SLC7A1: variants seen among roughly 807,000 people sequenced by gnomAD.
The protein encoded by SLC7A1 is solute carrier family 7 member 1.
In SLC7A1, 10 loss-of-function variants were observed where a neutral mutation model predicts 53.9. The ratio of observed to expected loss-of-function variants is 0.19; its 90% CI spans 0.11 to 0.31. The LOEUF (loss-of-function observed/expected upper bound fraction) is 0.31, where lower values mean the gene tolerates loss of function less well. Among genes scored for constraint, SLC7A1 ranks in the 10% least tolerant of loss-of-function variants. SLC7A1 has a pLI of 1.00. For synonymous variants in SLC7A1, 342 were observed against 338.7 expected (o/e 1.01, Z -0.11); for missense variants, 525 against 827.2 (o/e 0.63, Z 4.48).
intron 1 of SLC7A1, among the ~76,000 whole-genome samples, chr13:29,583,061 G>A (rs555344125): frequency 1.3e-5 from 2 of 152,170 alleles, no homozygotes; most frequent in South Asian, 2.1e-4. Flanking sequence ...TTATCCCCAG[G>A]TTTAACTTTT....
intron 1 of SLC7A1, among the ~76,000 whole-genome samples, chr13:29,561,366 G>A (rs973574338): frequency 1.3e-5 from 2 of 152,180 alleles, no homozygotes; most frequent in Non-Finnish European, 2.9e-5. Context: ...GTTCAAGGCA[G>A]TGGGGAGAAC....
chr13:29,591,112 A>AAT (rs951610691), intron 1 of SLC7A1, among the ~76,000 whole-genome samples: 28 of 151,880 alleles, frequency 1.8e-4, no homozygotes, highest in African/African-American at 6.8e-4. Context: ...CCTATCTCAA[A>AAT]ATATATATAT....
chr13:29,589,148 A>T (rs958128644), intron 1 of SLC7A1, among the ~76,000 whole-genome samples: 1 of 152,190 alleles, frequency 6.6e-6, no homozygotes, highest in African/African-American at 2.4e-5. Context: ...TGCATCCTCT[A>T]AGGAAAGGGG....
chr13:29,582,083 C>A (rs1433189579), intron 1 of SLC7A1, among the ~76,000 whole-genome samples: 1 of 152,226 alleles, frequency 6.6e-6, no homozygotes, highest in Non-Finnish European at 1.5e-5. Context: ...AAGAGGGGAA[C>A]TGTAAGTTTC....
intron 2 of SLC7A1, among the ~76,000 whole-genome samples, chr13:29,537,917 C>A (rs1229061513): frequency 6.6e-6 from 1 of 152,236 alleles, no homozygotes; most frequent in Non-Finnish European, 1.5e-5. Context: ...TGCCTGCCCA[C>A]ACCTTTGCAC....
intron 1 of SLC7A1, among the ~76,000 whole-genome samples, chr13:29,565,834 T>C (rs1385034183): frequency 2.6e-5 from 4 of 152,210 alleles, no homozygotes; most frequent in African/African-American, 9.7e-5. Flanking sequence ...CTCTTCAAGT[T>C]ATCCCCATCC....
chr13:29,529,244 G>A (rs1010116998), intron 5 of SLC7A1, among the ~76,000 whole-genome samples: 13 of 152,278 alleles, frequency 8.5e-5, no homozygotes, highest in African/African-American at 2.9e-4. Flanking sequence ...TTCGTGCACC[G>A]AATGCCATAG....
chr13:29,520,331 G>T (rs753768632), intron 8 of SLC7A1, among the ~76,000 whole-genome samples: 4 of 152,144 alleles, frequency 2.6e-5, no homozygotes, highest in Non-Finnish European at 4.4e-5. Context: ...GGACAACAGT[G>T]CTGGGTGATA....
chr13:29,515,789 G>A (rs745717913), intron 12 of SLC7A1, among the ~76,000 whole-genome samples: 12 of 152,238 alleles, frequency 7.9e-5, no homozygotes, highest in Non-Finnish European at 1.8e-4. Flanking sequence ...CCCTGCCTGG[G>A]CCTAGTGCCC....
At chr13:29,563,011 A>G (rs1328955620) in intron 1 of SLC7A1, among the ~76,000 whole-genome samples, 1 of 152,238 alleles carries the variant, frequency 6.6e-6, no homozygotes, top group Non-Finnish European at 1.5e-5. Context: ...TGTGCTGTGC[A>G]CTGCAAAAGG....
rs372644898 is a variant in SLC7A1 at position 29,584,581 on chromosome 13, CATT to C, written c.-115+10832_-115+10834del. On this transcript the variant is annotated intron_variant, in intron 1 of 12. Coordinates refer to ENST00000380752, the MANE Select transcript of SLC7A1 (RefSeq NM_003045.5). ...CCAAGAACAAGGACAGACATTTGCA[CATT>C]GTTTCAATAAATGAGGCCATTTATC... Among the ~76,000 whole-genome samples, 479 of 152,264 alleles carry C rather than the reference CATT, an allele frequency of 3.1e-3. 2 individuals are homozygous for C. The highest frequency in any genetic ancestry group is 0.011 in the African/African-American group (443 of 41,534).
intron 5 of SLC7A1, among the ~76,000 whole-genome samples, chr13:29,527,141 C>T (rs1056199001): frequency 2.6e-5 from 4 of 151,172 alleles, no homozygotes; most frequent in Non-Finnish European, 5.9e-5. Flanking sequence ...ACAATATATA[C>T]GGAGTGCCGC....
intron 4 of SLC7A1, 56 bp downstream of exon 4, chr13:29,532,768 T>G: frequency 2.7e-6 from 4 of 1,474,786 alleles, no homozygotes; most frequent in Non-Finnish European, 2.8e-6. Flanking sequence ...CAGGAGCCTC[T>G]CACCAAACCT....
At chr13:29,530,501 T>G (rs1869097154) in intron 5 of SLC7A1, 37 bp downstream of exon 5, 1 of 1,597,944 alleles carries the variant, frequency 6.3e-7, no homozygotes, top group East Asian at 2.2e-5. Flanking sequence ...TGTCATTAAA[T>G]GTCAACTAAG....
chr13:29,590,923 A>C (rs547886957), intron 1 of SLC7A1, among the ~76,000 whole-genome samples: 15 of 152,208 alleles, frequency 9.9e-5, no homozygotes, highest in Admixed American at 2.0e-4. Flanking sequence ...GGGCAACATA[A>C]TGAGATCCCT....
At chr13:29,538,942 A>G (rs1480669411) in intron 2 of SLC7A1, among the ~76,000 whole-genome samples, 2 of 152,160 alleles carry the variant, frequency 1.3e-5, no homozygotes, top group Admixed American at 6.5e-5. Flanking sequence ...GGGGATGCAC[A>G]GACAGTGCCT....
At chr13:29,528,628 AAAAG>A (rs1428859684) in intron 5 of SLC7A1, among the ~76,000 whole-genome samples, 1 of 152,202 alleles carries the variant, frequency 6.6e-6, no homozygotes, top group Non-Finnish European at 1.5e-5. Context: ...CTGGAAAAAA[AAAAG>A]AAAGAAAGTT....
At position 29,532,878 on chromosome 13, in the gene SLC7A1, C is replaced by T. The variant is rs1449503008; in HGVS notation, c.475G>A (p.Val159Met). Residue 159 changes from valine (V) to methionine (M), a missense_variant, in exon 4 of 13, where the codon GTG becomes ATG. Physicochemically the swap from Val to Met is conservative, Grantham distance 21. This residue lies in a region of SLC7A1 where 354 missense variants were observed against 587.5 expected (regional missense o/e 0.60). Coordinates refer to ENST00000380752, the MANE Select transcript of SLC7A1 (RefSeq NM_003045.5). ...RTHMTLNAPG[V>M]LAENPDIFAV... ...AATATGTCGGGGTTTTCAGCCAGCA[C>T]GCCGGGGGCGTTCAGAGTCATGTGT... The T allele has an allele frequency of 5.6e-6, 9 of 1,613,994 alleles. No individual in the cohort carries two copies. Among genetic ancestry groups the T allele is most frequent in the African/African-American group, 2.7e-5 (2 of 74,916 alleles).
rs1361736592 is a variant in SLC7A1 at position 29,511,965 on chromosome 13, TATC to T, written c.*2512_*2514del. On this transcript the variant is annotated 3_prime_UTR_variant, in exon 13 of 13. Coordinates refer to ENST00000380752, the MANE Select transcript of SLC7A1 (RefSeq NM_003045.5). ...GCAAGGGAACTAAGAGATGTGAAAC[TATC>T]ATTTTTTTTTTGCTTGTGTGTATTT... 8.3e-6 allele frequency: 1 copy of T among 120,602 alleles called. No homozygotes were observed. Among genetic ancestry groups the T allele is most frequent in the Admixed American group, 7.9e-5 (1 of 12,730 alleles). The allele number at this position is 120,602 out of a possible 1,614,324, so 7.5% of individuals were successfully genotyped here. A position where few individuals can be genotyped will look rare whatever the true frequency, so the allele number is the denominator to read the frequency against.
Sources: gnomAD v4.1 joint callset for allele counts (sites outside exome capture counted in the v4.1 genomes callset) on GRCh38, gnomAD v4.1.1 for gene constraint, gnomAD v4.1.1 regional missense constraint, MANE v1.5 for transcripts, NCBI Gene and HGNC (gene_info 2026-07-23, HGNC 2026-07-21) for gene names.